Variants in ATP7A observed in about 807,000 individuals in gnomAD.
The protein encoded by ATP7A is ATPase copper transporting alpha.
ATP7A carries 7 observed loss-of-function variants against 83.5 expected under a neutral mutation model. The ratio of observed to expected loss-of-function variants is 0.08; its 90% CI spans 0.05 to 0.16. ATP7A has a LOEUF of 0.16. Ranked by LOEUF, ATP7A falls within the 10% of genes least tolerant of loss-of-function variation. ATP7A has a pLI of 1.00. For missense variants in ATP7A, 940 were observed against 1,120.8 expected, an observed-to-expected ratio of 0.84 and a Z score of 2.30; for synonymous variants, 354 against 395.2, an observed-to-expected ratio of 0.90 and a Z score of 1.24.
intron 5 of ATP7A, among the ~76,000 whole-genome samples, chrX:77,998,990 G>A (rs1259605032): frequency 9.1e-6 from 1 of 109,720 alleles, no homozygotes; most frequent in Non-Finnish European, 1.9e-5. Context: ...TGGATTTTAA[G>A]GAACATAATT....
intron 1 of ATP7A, among the ~76,000 whole-genome samples, chrX:77,953,190 GA>G (rs1275204255): frequency 1.8e-5 from 2 of 112,128 alleles, no homozygotes; most frequent in Non-Finnish European, 3.8e-5. Flanking sequence ...TTTTGTCTTA[GA>G]AGTAAATTTG....
chrX:78,014,098 T>A (rs1557234852), intron 10 of ATP7A, among the ~76,000 whole-genome samples: 1 of 111,342 alleles, frequency 9.0e-6, no homozygotes, highest in Non-Finnish European at 1.9e-5. Context: ...TACCTAATAA[T>A]ACTTTTAAAA....
chrX:78,029,866 C>T (rs1459453907), intron 15 of ATP7A, among the ~76,000 whole-genome samples: 2 of 111,560 alleles, frequency 1.8e-5, no homozygotes, highest in Non-Finnish European at 3.8e-5. Context: ...TGCCACCAGC[C>T]GACAGTTTGC....
chrX:78,017,599 T>C (rs1464269270), intron 12 of ATP7A, among the ~76,000 whole-genome samples: 2 of 110,941 alleles, frequency 1.8e-5, no homozygotes, highest in Non-Finnish European at 3.8e-5. Flanking sequence ...CATCTCTTTG[T>C]GAACACATAA....
At chrX:78,025,528 A>G (rs1322357421) in intron 14 of ATP7A, among the ~76,000 whole-genome samples, 1 of 112,145 alleles carries the variant, frequency 8.9e-6, no homozygotes, top group East Asian at 2.8e-4. Context: ...TAAGAAAAAA[A>G]ACAAATGGAA....
intron 2 of ATP7A, among the ~76,000 whole-genome samples, chrX:77,978,971 A>C (rs1314820489): frequency 2.7e-5 from 3 of 110,646 alleles, no homozygotes; most frequent in African/African-American, 9.8e-5. Context: ...AGCTGGCATT[A>C]CAGGCACGTG....
chrX:77,958,346 A>G (rs1399618649), intron 1 of ATP7A, among the ~76,000 whole-genome samples: 1 of 111,583 alleles, frequency 9.0e-6, no homozygotes, highest in African/African-American at 3.3e-5. Flanking sequence ...GTATTTCCTT[A>G]TAGTGATGCA....
At chrX:77,961,169 T>A (rs1557228029) in intron 1 of ATP7A, among the ~76,000 whole-genome samples, 1 of 111,528 alleles carries the variant, frequency 9.0e-6, no homozygotes. Flanking sequence ...TAAATTAAGA[T>A]GTAGTGGGAA....
At chrX:78,017,924 C>T (rs781944645) in intron 12 of ATP7A, among the ~76,000 whole-genome samples, 1 of 107,347 alleles carries the variant, frequency 9.3e-6, no homozygotes, top group Admixed American at 1.0e-4. Context: ...TACAGGCACC[C>T]GCCACCACGC....
intron 1 of ATP7A, among the ~76,000 whole-genome samples, chrX:77,966,406 C>A (rs782453390): frequency 8.9e-6 from 1 of 112,331 alleles, no homozygotes; most frequent in Admixed American, 9.4e-5. Context: ...ATAAATTGGA[C>A]TTCACAAATT....
Position 78,038,942 on chromosome X carries a change from T to C in ATP7A, c.3618T>C (p.His1206=). The C allele has an allele frequency of 5.8e-6, 7 of 1,211,502 alleles. No homozygotes were observed. The highest frequency in any genetic ancestry group is 7.8e-6 in the Non-Finnish European group (7 of 895,098). Reference sequence around the variant, plus strand: ...ATGTAAATGATTTCATGACTGAACATGAGAGAAAAGGTCGGACTGCTGTAT... The same window carrying C: ...ATGTAAATGATTTCATGACTGAACACGAGAGAAAAGGTCGGACTGCTGTAT... ...NNDVNDFMTE[H]ERKGRTAVLV... Residue 1206 remains histidine (H), a synonymous_variant, in exon 18 of 23, where the codon CAT becomes CAC. Transcript: ENST00000341514.
intron 12 of ATP7A, among the ~76,000 whole-genome samples, chrX:78,017,967 G>A (rs1268803129): frequency 9.5e-6 from 1 of 104,742 alleles, no homozygotes; most frequent in African/African-American, 3.4e-5. Flanking sequence ...TATTAGAGAC[G>A]GGGTTTCACC....
intron 7 of ATP7A, among the ~76,000 whole-genome samples, chrX:78,009,913 C>A (rs1317355529): frequency 1.8e-5 from 2 of 112,642 alleles, no homozygotes; most frequent in African/African-American, 6.4e-5. Flanking sequence ...GTGAGAGAGA[C>A]CTTGTCTCTA....
intron 11 of ATP7A, among the ~76,000 whole-genome samples, chrX:78,015,514 C>G (rs2077856192): frequency 9.0e-6 from 1 of 111,652 alleles, no homozygotes; most frequent in East Asian, 2.8e-4. Context: ...TTTTTTAAAA[C>G]TTTCATTTTT....
chrX:77,940,966 C>T (rs1557225573), intron 1 of ATP7A, among the ~76,000 whole-genome samples: 1 of 111,776 alleles, frequency 8.9e-6, no homozygotes, highest in East Asian at 2.8e-4. Context: ...GGGTAATTTA[C>T]AGTATGTATC....
chrX:77,953,425 T>C (rs1269874369), intron 1 of ATP7A, among the ~76,000 whole-genome samples: 1 of 111,687 alleles, frequency 9.0e-6, no homozygotes, highest in African/African-American at 3.3e-5. Context: ...GACTCAAAGA[T>C]TCCTGCACCA....
chrX:78,014,678 C>A lies in ATP7A; in HGVS notation c.2423C>A (p.Ala808Asp). 1 of 1,207,514 alleles carries A rather than the reference C, an allele frequency of 8.3e-7. No homozygotes were observed. Among genetic ancestry groups the A allele is most frequent in the Non-Finnish European group, 1.1e-6 (1 of 892,338 alleles). ...EHIAKGKTSE[A>D]LAKLISLQAT... is the part of the protein sequence containing the mutation. ...AATTTATAGGGCAAAACATCAGAGGCTCTTGCAAAGTTAATTTCACTACAA... is the reference window on the plus strand; with the variant it reads ...AATTTATAGGGCAAAACATCAGAGGATCTTGCAAAGTTAATTTCACTACAA... The change falls in exon 11 of 23, where the codon GCT becomes GAT. Residue 808 changes from alanine to aspartate, a missense_variant. Transcript: ENST00000341514.
chrX:78,015,627 G>A (rs2077857019), intron 11 of ATP7A, 127 bp from the exon 12 acceptor site: 3 of 885,530 alleles, frequency 3.4e-6, no homozygotes, highest in Non-Finnish European at 4.9e-6. Flanking sequence ...TAGTTTAAAT[G>A]TTGGTTCTAG....
At chrX:77,931,773 A>AC (rs1275393595) in intron 1 of ATP7A, among the ~76,000 whole-genome samples, 10 of 75,386 alleles carry the variant, frequency 1.3e-4, no homozygotes, top group Admixed American at 4.6e-4. Context: ...TGGGGGGCTG[A>AC]CCCCCCCCAC....
Sources: gnomAD v4.1 joint callset for allele counts (sites outside exome capture counted in the v4.1 genomes callset) on GRCh38, gnomAD v4.1.1 for gene constraint, MANE v1.5 for transcripts, NCBI Gene and HGNC (gene_info 2026-07-23, HGNC 2026-07-21) for gene names.